Variants in DIAPH2 observed in about 807,000 individuals in gnomAD.
DIAPH2 encodes the protein diaphanous related formin 2, also known as protein diaphanous homolog 2.
DIAPH2 carries 35 observed loss-of-function variants against 92.7 expected under a neutral mutation model. The observed-to-expected ratio is 0.38, with a 90% CI of 0.29 to 0.50. The LOEUF (loss-of-function observed/expected upper bound fraction) is 0.50, where lower values mean the gene tolerates loss of function less well. Ranked by LOEUF, DIAPH2 falls within the 20% of genes least tolerant of loss-of-function variation. The pLI is 0.94. For synonymous variants in DIAPH2, 301 were observed against 280.4 expected, an observed-to-expected ratio of 1.07 and a Z score of -0.73; for missense variants, 701 against 819.5, an observed-to-expected ratio of 0.86 and a Z score of 1.77.
chrX:96,857,554 A>G (rs1372775710), intron 4 of DIAPH2, among the ~76,000 whole-genome samples: 1 of 112,656 alleles, frequency 8.9e-6, no homozygotes, highest in Non-Finnish European at 1.9e-5. Flanking sequence ...AGAAAAACGC[A>G]GTATCCTTTA....
intron 1 of DIAPH2, among the ~76,000 whole-genome samples, chrX:96,716,906 G>T (rs1282816902): frequency 1.8e-5 from 2 of 111,368 alleles, no homozygotes; most frequent in African/African-American, 3.3e-5. Flanking sequence ...ATTTGCCTAA[G>T]GTGACAGCGA....
intron 26 of DIAPH2, among the ~76,000 whole-genome samples, chrX:97,458,776 C>T (rs1283007885): frequency 8.9e-6 from 1 of 111,744 alleles, no homozygotes; most frequent in Non-Finnish European, 1.9e-5. Context: ...CCCTCATCAA[C>T]TATTTGATTA....
intron 19 of DIAPH2, among the ~76,000 whole-genome samples, chrX:97,087,921 A>C (rs2066795253): frequency 9.0e-6 from 1 of 110,932 alleles, no homozygotes; most frequent in Non-Finnish European, 1.9e-5. Flanking sequence ...CTCATCATGC[A>C]TTCTTACTGA....
intron 17 of DIAPH2, among the ~76,000 whole-genome samples, chrX:97,065,021 G>A (rs1310073700): frequency 1.8e-5 from 2 of 111,301 alleles, no homozygotes; most frequent in African/African-American, 6.5e-5. Flanking sequence ...TGTGTGTGAT[G>A]AATGCCCAGA....
chrX:97,557,246 T>C (rs2071263559), intron 26 of DIAPH2, among the ~76,000 whole-genome samples: 1 of 111,693 alleles, frequency 9.0e-6, no homozygotes, highest in African/African-American at 3.3e-5. Context: ...TCTCAAAGAA[T>C]TGGGGCTTTA....
intron 26 of DIAPH2, among the ~76,000 whole-genome samples, chrX:97,485,044 C>A (rs2070678088): frequency 8.9e-6 from 1 of 111,889 alleles, no homozygotes; most frequent in African/African-American, 3.2e-5. Flanking sequence ...TAGATATATA[C>A]ATTATTCACA....
chrX:97,282,327 A>C (rs1196672668), intron 23 of DIAPH2, among the ~76,000 whole-genome samples: 1 of 111,516 alleles, frequency 9.0e-6, no homozygotes, highest in Non-Finnish European at 1.9e-5. Flanking sequence ...GGAGTTTCGC[A>C]CTGTCGCTTG....
chrX:97,206,913 G>C (rs2067801688), intron 22 of DIAPH2, among the ~76,000 whole-genome samples: 2 of 111,179 alleles, frequency 1.8e-5, no homozygotes, highest in African/African-American at 6.5e-5. Flanking sequence ...TTAATGGCCT[G>C]TGATCCTGAT....
chrX:97,578,154 A>T (rs1602678714), intron 26 of DIAPH2, among the ~76,000 whole-genome samples: 2 of 87,300 alleles, frequency 2.3e-5, no homozygotes, highest in African/African-American at 4.4e-5. Context: ...GCATATTTTT[A>T]TTTTTATTTA....
intron 4 of DIAPH2, among the ~76,000 whole-genome samples, chrX:96,870,537 AAGTGCTGGGATTACAGGCAATCCCATTC>A (rs2065134773): frequency 9.1e-6 from 1 of 109,393 alleles, no homozygotes; most frequent in African/African-American, 3.3e-5. Flanking sequence ...CGGCCTCCCA[AAGTGCTGGGATTACAGGCAATCCCATTC>A]AGTGCTGGAG....
intron 23 of DIAPH2, among the ~76,000 whole-genome samples, chrX:97,285,412 C>G (rs1018196880): frequency 1.0e-4 from 10 of 95,827 alleles, no homozygotes; most frequent in Non-Finnish European, 1.9e-4. Flanking sequence ...AAAAAAGATT[C>G]AGTTATGGTC....
intron 26 of DIAPH2, among the ~76,000 whole-genome samples, chrX:97,488,683 A>G (rs1441353141): frequency 2.7e-5 from 3 of 111,563 alleles, no homozygotes; most frequent in Admixed American, 9.5e-5. Flanking sequence ...CAATTTTCCC[A>G]CTACCATTTG....
intron 23 of DIAPH2, among the ~76,000 whole-genome samples, chrX:97,284,466 C>T (rs901540635): frequency 9.1e-6 from 1 of 109,848 alleles, no homozygotes; most frequent in Non-Finnish European, 1.9e-5. Flanking sequence ...CAAAATTAGC[C>T]GAGCATAGTG....
chrX:96,991,538 T>TG (rs1555970341), intron 17 of DIAPH2, among the ~76,000 whole-genome samples: 1 of 20,565 alleles, frequency 4.9e-5, no homozygotes, highest in African/African-American at 1.4e-4. Context: ...TGTTTTATGG[T>TG]GTTTTTTTTT....
intron 26 of DIAPH2, among the ~76,000 whole-genome samples, chrX:97,578,422 T>C (rs1380521912): frequency 9.4e-6 from 1 of 106,435 alleles, no homozygotes; most frequent in Non-Finnish European, 1.9e-5. Context: ...TATGCGGTGT[T>C]TGGTTTTTTG....
intron 23 of DIAPH2, among the ~76,000 whole-genome samples, chrX:97,340,736 A>G (rs1164846723): frequency 1.7e-4 from 18 of 105,239 alleles, no homozygotes; most frequent in Non-Finnish European, 1.2e-4. Context: ...GCTCACTGCA[A>G]CCTCTGCCTC....
rs183968032 is a variant in DIAPH2 at position 96,982,125 on chromosome X, C to T, written c.2050+16918C>T. 1.0e-3 allele frequency among the ~76,000 whole-genome samples: 116 copies of T among 111,428 alleles called. 1 individual carries two copies. Among genetic ancestry groups the T allele is most frequent in the African/African-American group, 3.7e-3 (115 of 30,714 alleles). ...AAAATATATTGAGGTTACTAACCAC[C>T]CTAGATTAAGTTTTCCATTGTGTGC... On this transcript the variant is annotated intron_variant, in intron 17 of 26. Transcript: ENST00000324765.
chrX:97,364,088 C>G (rs1032621638), intron 24 of DIAPH2, among the ~76,000 whole-genome samples: 6 of 111,827 alleles, frequency 5.4e-5, no homozygotes, highest in Non-Finnish European at 9.4e-5. Context: ...TGCAACATGG[C>G]TAGCTGATAG....
intron 1 of DIAPH2, among the ~76,000 whole-genome samples, chrX:96,705,035 G>A (rs1324751973): frequency 9.9e-6 from 1 of 101,314 alleles, no homozygotes; most frequent in Non-Finnish European, 2.0e-5. Flanking sequence ...GTGCAGTGGT[G>A]CGATCTTGGT....
Sources: gnomAD v4.1 joint callset for allele counts (sites outside exome capture counted in the v4.1 genomes callset) on GRCh38, gnomAD v4.1.1 for gene constraint, MANE v1.5 for transcripts, NCBI Gene and HGNC (gene_info 2026-07-23, HGNC 2026-07-21) for gene names.